SPG11: variants seen among roughly 807,000 people sequenced by gnomAD.
SPG11 encodes SPG11 vesicle trafficking associated, spatacsin.
SPG11 carries 222 observed loss-of-function variants against 274.0 expected under a neutral mutation model. That is an observed-to-expected ratio of 0.81 (90% confidence interval 0.73 to 0.91). The LOEUF (loss-of-function observed/expected upper bound fraction) is 0.91. Among genes scored for constraint, SPG11 ranks in the 40% least tolerant of loss-of-function variants. The probability of loss-of-function intolerance (pLI) is 0.00; values close to 1 mark genes in which losing one functional copy is unlikely to be tolerated. For synonymous variants in SPG11, 1,144 were observed against 1,039.7 expected (o/e 1.10, Z -1.93); for missense variants, 3,114 against 2,872.7 (o/e 1.08, Z -1.92).
At chr15:44,650,905 G>A (rs982511580) in intron 6 of SPG11, among the ~76,000 whole-genome samples, 3 of 151,980 alleles carry the variant, frequency 2.0e-5, no homozygotes, top group Admixed American at 2.0e-4. Context: ...CGGCCACCAC[G>A]CAAGGCTAAT....
chr15:44,647,482 T>A (rs939103524), intron 7 of SPG11, among the ~76,000 whole-genome samples: 1 of 152,202 alleles, frequency 6.6e-6, no homozygotes, highest in Non-Finnish European at 1.5e-5. Context: ...ACAGCAGGAT[T>A]ATTCATAATG....
intron 29 of SPG11, 75 bp downstream of exon 29, chr15:44,585,561 C>T: frequency 7.9e-7 from 1 of 1,264,434 alleles, no homozygotes; most frequent in Admixed American, 1.8e-5. Flanking sequence ...GAGATCGCGC[C>T]ACTGCACTCC....
intron 7 of SPG11, among the ~76,000 whole-genome samples, chr15:44,648,458 A>G (rs2084666833): frequency 6.7e-6 from 1 of 149,918 alleles, no homozygotes; most frequent in Non-Finnish European, 1.5e-5. Flanking sequence ...GGTTGCAGTG[A>G]GCTGAGATTG....
chr15:44,606,904 C>G (rs920122877), intron 19 of SPG11, among the ~76,000 whole-genome samples: 1 of 152,136 alleles, frequency 6.6e-6, no homozygotes, highest in Non-Finnish European at 1.5e-5. Context: ...CGTAGTGAAA[C>G]TATGTTTGTT....
chr15:44,660,875 T>C (rs1156915633), intron 1 of SPG11, among the ~76,000 whole-genome samples: 1 of 152,180 alleles, frequency 6.6e-6, no homozygotes, highest in Non-Finnish European at 1.5e-5. Context: ...GATGGCTCCA[T>C]TTATTCTTTC....
chr15:44,578,252 T>G (rs2082586823), intron 30 of SPG11, among the ~76,000 whole-genome samples: 1 of 149,328 alleles, frequency 6.7e-6, no homozygotes, highest in Non-Finnish European at 1.5e-5. Flanking sequence ...GCCAGGATGG[T>G]CTTGATCTGA....
intron 4 of SPG11, among the ~76,000 whole-genome samples, chr15:44,656,487 G>C (rs2084944410): frequency 6.6e-6 from 1 of 152,212 alleles, no homozygotes; most frequent in Non-Finnish European, 1.5e-5. Context: ...ATGGGGTAAA[G>C]AGTGGAAGGT....
chr15:44,592,495 G>A, intron 26 of SPG11, 57 bp from the exon 27 acceptor site: 2 of 981,894 alleles, frequency 2.0e-6, no homozygotes, highest in Admixed American at 1.7e-5. Context: ...TTTTTTCAAT[G>A]AATAATGCCA....
intron 27 of SPG11, among the ~76,000 whole-genome samples, chr15:44,592,110 C>CAA (rs1198260134): frequency 7.6e-5 from 7 of 91,894 alleles, no homozygotes; most frequent in South Asian, 7.2e-4. Context: ...GACACTGTCT[C>CAA]AAAAAAAAAA....
intron 2 of SPG11, among the ~76,000 whole-genome samples, chr15:44,659,584 TAAG>T (rs910749177): frequency 2.0e-5 from 3 of 152,250 alleles, no homozygotes; most frequent in South Asian, 4.1e-4. Flanking sequence ...TGGGACCCCA[TAAG>T]AAGACTTTTT....
chr15:44,616,155 GC>G (rs1221425315), intron 15 of SPG11, among the ~76,000 whole-genome samples: 1 of 151,026 alleles, frequency 6.6e-6, no homozygotes, highest in East Asian at 1.9e-4. Context: ...CATGCCCTTT[GC>G]TACCTCCAGA....
In SPG11 at chr15:44,570,569, G is replaced by A. The variant is rs1352131101; in HGVS notation, c.6433C>T (p.Leu2145Phe). Residue 2145 changes from leucine (L) to phenylalanine (F), a missense_variant, in exon 34 of 40, where the codon CTC (leucine) becomes TTC (phenylalanine). By Grantham distance (22) the Leu-to-Phe change is conservative. Coordinates refer to ENST00000261866, the MANE Select transcript of SPG11 (RefSeq NM_025137.4). ...IIRVLQAAHM[L>F]TDNHLAPSEE... Reference sequence around the variant, plus strand: ...CTGGGGGCCAGGTGGTTATCTGTGAGCATGTGGGCGGCCTGTAGGACTCGG... The same window carrying A: ...CTGGGGGCCAGGTGGTTATCTGTGAACATGTGGGCGGCCTGTAGGACTCGG... 1.9e-6 allele frequency: 3 copies of A among 1,614,070 alleles called. No homozygotes were observed. The highest frequency in any genetic ancestry group is 2.7e-5 in the African/African-American group (2 of 74,948).
At chr15:44,654,469 C>T (rs1178611554) in intron 4 of SPG11, among the ~76,000 whole-genome samples, 1 of 151,488 alleles carries the variant, frequency 6.6e-6, no homozygotes, top group Non-Finnish European at 1.5e-5. Flanking sequence ...GACTGCACCA[C>T]TGCACTCCAA....
At chr15:44,612,647 T>C (rs762362971) in intron 17 of SPG11, among the ~76,000 whole-genome samples, 1 of 152,122 alleles carries the variant, frequency 6.6e-6, no homozygotes, top group Non-Finnish European at 1.5e-5. Flanking sequence ...TCCTTCCACT[T>C]TGCCTCCCAA....
intron 7 of SPG11, among the ~76,000 whole-genome samples, chr15:44,639,258 C>T (rs901548582): frequency 1.3e-5 from 2 of 148,720 alleles, no homozygotes; most frequent in Middle Eastern, 3.4e-3. Flanking sequence ...TTAAAACACA[C>T]ACACACACAC....
intron 7 of SPG11, among the ~76,000 whole-genome samples, chr15:44,648,519 A>C (rs923615953): frequency 2.5e-4 from 38 of 151,606 alleles, no homozygotes; most frequent in Non-Finnish European, 4.9e-4. Flanking sequence ...TGTCAAAAAA[A>C]AAAAAAAAAA....
In SPG11 at chr15:44,570,653, CTG is replaced by C; in HGVS notation, c.6347_6348del (p.Thr2116ArgfsTer32). The C allele has an allele frequency of 6.2e-7, 1 of 1,613,946 alleles. No individual in the cohort carries two copies. Among genetic ancestry groups the C allele is most frequent in the Non-Finnish European group, 8.5e-7 (1 of 1,179,982 alleles). On this transcript the variant is annotated frameshift_variant, in exon 34 of 40. Transcript: ENST00000261866. LOFTEE classifies it high-confidence loss of function. ...CAATGATGGGCCAGGATCAGGAGCT[CTG>C]TGGCTGGGAGGGTGGGCACTGGTAA... ...SVPHGELSCT[T>X]ELLILAHHCF...
intron 27 of SPG11, 49 bp from the exon 28 acceptor site, chr15:44,589,463 C>G: frequency 6.2e-7 from 1 of 1,609,374 alleles, no homozygotes; most frequent in East Asian, 2.2e-5. Flanking sequence ...ATGAGAATAG[C>G]AAATCAAAAC....
intron 35 of SPG11, among the ~76,000 whole-genome samples, chr15:44,568,512 G>GA (rs1174157259): frequency 1.3e-5 from 2 of 152,182 alleles, no homozygotes; most frequent in African/African-American, 4.8e-5. Flanking sequence ...AAATGTTCTG[G>GA]AAACAGGTAC....
Sources: gnomAD v4.1 joint callset for allele counts (sites outside exome capture counted in the v4.1 genomes callset) on GRCh38, gnomAD v4.1.1 for gene constraint, MANE v1.5 for transcripts, NCBI Gene and HGNC (gene_info 2026-07-23, HGNC 2026-07-21) for gene names.